The following SEMA5A variants were observed in gnomAD, a reference collection of about 807,000 sequenced individuals.
SEMA5A encodes the protein semaphorin-5A.
A neutral mutation model predicts 135.5 loss-of-function variants in SEMA5A; 55 were observed. The observed-to-expected ratio is 0.41, with a 90% confidence interval of 0.33 to 0.51. The LOEUF (loss-of-function observed/expected upper bound fraction) is 0.51. Among genes scored for constraint, SEMA5A ranks in the 20% least tolerant of loss-of-function variants. SEMA5A has a pLI of 0.37. For missense variants in SEMA5A, 1,290 were observed against 1,419.9 expected, an observed-to-expected ratio of 0.91 and a Z score of 1.47; for synonymous variants, 580 against 546.5, an observed-to-expected ratio of 1.06 and a Z score of -0.85.
intron 13 of SEMA5A, among the ~76,000 whole-genome samples, chr5:9,135,753 A>T (rs1017411211): frequency 1.3e-5 from 2 of 152,186 alleles, no homozygotes; most frequent in African/African-American, 4.8e-5. Flanking sequence ...ACTGTTGTTC[A>T]TATTCTATGA....
At chr5:9,194,275 T>G (rs1745272101) in intron 10 of SEMA5A, among the ~76,000 whole-genome samples, 1 of 152,242 alleles carries the variant, frequency 6.6e-6, no homozygotes, top group Admixed American at 6.5e-5. Flanking sequence ...TTTGTTGCTT[T>G]GTTACTGTTT....
intron 16 of SEMA5A, among the ~76,000 whole-genome samples, chr5:9,076,831 C>T (rs1270379632): frequency 6.6e-6 from 1 of 151,856 alleles, no homozygotes; most frequent in African/African-American, 2.4e-5. Context: ...TTATCTACCA[C>T]ATAGCCAGCC....
At chr5:9,492,393 C>T (rs1735065297) in intron 1 of SEMA5A, among the ~76,000 whole-genome samples, 1 of 152,148 alleles carries the variant, frequency 6.6e-6, no homozygotes, top group Non-Finnish European at 1.5e-5. Flanking sequence ...CATGTCACAT[C>T]AGAGGGAGTT....
chr5:9,222,764 A>G (rs531383790), intron 8 of SEMA5A, among the ~76,000 whole-genome samples: 3 of 152,226 alleles, frequency 2.0e-5, no homozygotes, highest in East Asian at 1.9e-4. Flanking sequence ...TGACTCTCCA[A>G]TGGAAAAGGA....
chr5:9,345,146 CCT>C lies in SEMA5A; in HGVS notation c.125-7336_125-7335del, dbSNP rs573881931. Among the ~76,000 whole-genome samples the C allele has an allele frequency of 1.2e-3, 180 of 152,280 alleles. 1 individual carries two copies. Among genetic ancestry groups the C allele is most frequent in the African/African-American group, 3.9e-3 (161 of 41,554 alleles). ...ATTGAAAACATGAGGTAAACCCACC[CCT>C]GTTTCAGAAAGGTAGTGGATTTCAA... On this transcript the variant is annotated intron_variant, in intron 3 of 22. Coordinates refer to ENST00000382496, the MANE Select transcript of SEMA5A (RefSeq NM_003966.3).
chr5:9,210,597 TA>T (rs1322910879), intron 8 of SEMA5A, among the ~76,000 whole-genome samples: 11 of 152,130 alleles, frequency 7.2e-5, no homozygotes, highest in Admixed American at 2.0e-4. Flanking sequence ...TGGTATTTCC[TA>T]AAGTGCCAAC....
intron 1 of SEMA5A, among the ~76,000 whole-genome samples, chr5:9,471,832 A>G (rs1759489202): frequency 6.6e-6 from 1 of 152,244 alleles, no homozygotes; most frequent in African/African-American, 2.4e-5. Context: ...TTTAAATGCA[A>G]ACTCATTGCT....
chr5:9,420,842 G>A (rs1013070014), intron 2 of SEMA5A, among the ~76,000 whole-genome samples: 9 of 152,022 alleles, frequency 5.9e-5, no homozygotes, highest in African/African-American at 1.2e-4. Context: ...GTGAAACCCC[G>A]TCTCTACTAA....
intron 5 of SEMA5A, among the ~76,000 whole-genome samples, chr5:9,295,599 T>C (rs1191655711): frequency 2.0e-5 from 3 of 152,096 alleles, no homozygotes; most frequent in Non-Finnish European, 1.5e-5. Flanking sequence ...CAGAAAGTTA[T>C]CAGCATGTGA....
At chr5:9,232,096 A>C (rs1025251577) in intron 6 of SEMA5A, among the ~76,000 whole-genome samples, 1 of 152,262 alleles carries the variant, frequency 6.6e-6, no homozygotes, top group African/African-American at 2.4e-5. Context: ...CTTGGTCTCA[A>C]GGACACAAGG....
intron 3 of SEMA5A, among the ~76,000 whole-genome samples, chr5:9,378,875 C>T (rs1353973354): frequency 6.6e-6 from 1 of 151,996 alleles, no homozygotes; most frequent in Non-Finnish European, 1.5e-5. Flanking sequence ...GATAATGGTA[C>T]TGAATTCCTT....
At chr5:9,215,279 G>T (rs1281084815) in intron 8 of SEMA5A, among the ~76,000 whole-genome samples, 1 of 152,126 alleles carries the variant, frequency 6.6e-6, no homozygotes, top group Non-Finnish European at 1.5e-5. Context: ...AGAAAGTAAG[G>T]CGTTGTGACT....
At chr5:9,466,138 G>C (rs1435392161) in intron 1 of SEMA5A, among the ~76,000 whole-genome samples, 1 of 152,040 alleles carries the variant, frequency 6.6e-6, no homozygotes, top group African/African-American at 2.4e-5. Context: ...CAGATACCTG[G>C]GTACCAATGT....
intron 1 of SEMA5A, among the ~76,000 whole-genome samples, chr5:9,483,910 C>T (rs1477231036): frequency 6.6e-6 from 1 of 152,190 alleles, no homozygotes; most frequent in Non-Finnish European, 1.5e-5. Context: ...GAGGTGATTC[C>T]TTCTTTCTGC....
At chr5:9,159,190 T>G (rs547582687) in intron 11 of SEMA5A, among the ~76,000 whole-genome samples, 4 of 152,324 alleles carry the variant, frequency 2.6e-5, no homozygotes, top group African/African-American at 9.6e-5. Flanking sequence ...AGAACAGAAC[T>G]GATACATATT....
chr5:9,061,420 C>A (rs1261979912), intron 18 of SEMA5A, among the ~76,000 whole-genome samples: 1 of 151,874 alleles, frequency 6.6e-6, no homozygotes, highest in African/African-American at 2.4e-5. Flanking sequence ...TGAGACCAGG[C>A]CAGGAGTCCC....
At chr5:9,454,614 A>AAAAAC (rs1215729704) in intron 1 of SEMA5A, among the ~76,000 whole-genome samples, 2 of 152,242 alleles carry the variant, frequency 1.3e-5, no homozygotes, top group African/African-American at 4.8e-5. Flanking sequence ...ATCTTAACGT[A>AAAAAC]AAAACAAAAC....
rs1015619678 is a variant in SEMA5A, at chr5:9,327,930, A to G, written c.225-9513T>C. Among the ~76,000 whole-genome samples the G allele has an allele frequency of 6.6e-5, 10 of 152,294 alleles. No individual in the cohort carries two copies. In the South Asian group the frequency reaches 8.3e-4, roughly 13 times the overall value. On this transcript the variant is annotated intron_variant, in intron 4 of 22. Transcript: ENST00000382496. ...TTCATTTGAAAAAAAATGCCAACTG[A>G]ATATTTCTATGGTTCCTTTAACCTG...
At chr5:9,107,683 T>C (rs1739996799) in intron 16 of SEMA5A, among the ~76,000 whole-genome samples, 1 of 152,140 alleles carries the variant, frequency 6.6e-6, no homozygotes. Flanking sequence ...CTCCAGATAT[T>C]CTAATTAAAT....
Sources: allele counts gnomAD v4.1 joint callset (sites outside exome capture counted in the v4.1 genomes callset), GRCh38; gene constraint gnomAD v4.1.1; transcripts MANE v1.5; gene names NCBI Gene and HGNC (gene_info 2026-07-23, HGNC 2026-07-21).